RHPN2: variants seen among roughly 807,000 people sequenced by gnomAD.
The protein encoded by RHPN2 is rhophilin-2.
In RHPN2, 40 loss-of-function variants were observed where a neutral mutation model predicts 79.0. That is an observed-to-expected ratio of 0.51 (90% CI 0.39 to 0.66). RHPN2 has a LOEUF of 0.66. Among genes scored for constraint, RHPN2 ranks in the 30% least tolerant of loss-of-function variants. The probability of loss-of-function intolerance (pLI) is 0.00; values close to 1 mark genes in which losing one functional copy is unlikely to be tolerated. For synonymous variants in RHPN2, 285 were observed against 363.5 expected (o/e 0.78, Z 2.46); for missense variants, 686 against 883.5 (o/e 0.78, Z 2.83).
intron 11 of RHPN2, 27 bp downstream of exon 11, chr19:32,995,999 A>G (rs1459247855): frequency 6.2e-7 from 1 of 1,613,092 alleles, no homozygotes; most frequent in Non-Finnish European, 8.5e-7. Context: ...GCACCCCCAC[A>G]GAGGGAACAC....
At chr19:32,994,515 G>C (rs1971686041) in intron 11 of RHPN2, among the ~76,000 whole-genome samples, 1 of 152,162 alleles carries the variant, frequency 6.6e-6, no homozygotes, top group African/African-American at 2.4e-5. Flanking sequence ...CCCCGACCTA[G>C]GGTGAACTGT....
intron 2 of RHPN2, chr19:33,026,978 C>T (rs1161801664): frequency 5.8e-6 from 2 of 342,922 alleles, no homozygotes; most frequent in Admixed American, 3.8e-5. Context: ...TGATTCCAGC[C>T]GGGCATGGTG....
chr19:33,049,034 T>C (rs1972166976), intron 1 of RHPN2, among the ~76,000 whole-genome samples: 1 of 152,080 alleles, frequency 6.6e-6, no homozygotes, highest in Non-Finnish European at 1.5e-5. Context: ...AACCAGCCCA[T>C]AGATATGTGG....
intron 1 of RHPN2, among the ~76,000 whole-genome samples, chr19:33,060,331 T>C (rs373344672): frequency 2.9e-4 from 44 of 151,968 alleles, no homozygotes; most frequent in South Asian, 2.3e-3. Context: ...CATTTTGGAT[T>C]CTCATTGGCA....
At chr19:32,982,792 CA>C (rs1319036093) in intron 14 of RHPN2, among the ~76,000 whole-genome samples, 1 of 152,056 alleles carries the variant, frequency 6.6e-6, no homozygotes, top group Admixed American at 6.6e-5. Flanking sequence ...GGACACTCAC[CA>C]AGGCTTCCCT....
chr19:33,059,286 GT>G (rs1972259960), intron 1 of RHPN2, among the ~76,000 whole-genome samples: 1 of 145,490 alleles, frequency 6.9e-6, no homozygotes, highest in Non-Finnish European at 1.5e-5. Context: ...CTTCACTTTT[GT>G]TTTTTTCTTT....
chr19:33,053,212 C>T (rs926499733), intron 1 of RHPN2, among the ~76,000 whole-genome samples: 2 of 151,944 alleles, frequency 1.3e-5, no homozygotes, highest in African/African-American at 4.8e-5. Flanking sequence ...TGCTCTCAAA[C>T]TCCTGGCCTC....
intron 14 of RHPN2, among the ~76,000 whole-genome samples, chr19:32,984,092 G>C (rs1271828577): frequency 6.6e-6 from 1 of 152,176 alleles, no homozygotes; most frequent in East Asian, 1.9e-4. Flanking sequence ...GTATGAACGT[G>C]CTGAAGGTTA....
intron 2 of RHPN2, among the ~76,000 whole-genome samples, chr19:33,035,026 G>A (rs1972045738): frequency 6.6e-6 from 1 of 152,016 alleles, no homozygotes; most frequent in Non-Finnish European, 1.5e-5. Flanking sequence ...GGAGTGCAGT[G>A]GTACGATCTT....
chr19:33,050,434 T>C (rs1011279169), intron 1 of RHPN2, among the ~76,000 whole-genome samples: 6 of 152,210 alleles, frequency 3.9e-5, no homozygotes, highest in Admixed American at 3.9e-4. Context: ...TTTAAGTATA[T>C]AGTTCAATGA....
intron 4 of RHPN2, among the ~76,000 whole-genome samples, chr19:33,019,026 CA>C (rs1476192503): frequency 4.1e-5 from 4 of 97,140 alleles, no homozygotes; most frequent in Admixed American, 1.1e-4. Context: ...AGCGAAACTC[CA>C]GCTCAAAAAA....
chr19:33,029,461 G>A (rs1180361494), intron 2 of RHPN2, among the ~76,000 whole-genome samples: 4 of 150,006 alleles, frequency 2.7e-5, no homozygotes, highest in African/African-American at 4.9e-5. Flanking sequence ...AGGAGGCGGA[G>A]CTTGCAGTGA....
At chr19:32,993,062 G>A (rs1204918941) in intron 12 of RHPN2, among the ~76,000 whole-genome samples, 1 of 152,056 alleles carries the variant, frequency 6.6e-6, no homozygotes, top group African/African-American at 2.4e-5. Flanking sequence ...AGGCTGCAGT[G>A]AGCTATGATC....
intron 14 of RHPN2, among the ~76,000 whole-genome samples, chr19:32,988,364 C>T (rs2146000281): frequency 6.6e-6 from 1 of 152,260 alleles, no homozygotes; most frequent in East Asian, 1.9e-4. Context: ...CCACAAATCC[C>T]CCATCAGCTC....
chr19:33,036,014 A>C (rs941802154), intron 2 of RHPN2, among the ~76,000 whole-genome samples: 3 of 151,678 alleles, frequency 2.0e-5, no homozygotes, highest in African/African-American at 7.3e-5. Context: ...CTACTCGGCA[A>C]GCTGAGGCAG....
intron 6 of RHPN2, among the ~76,000 whole-genome samples, chr19:33,008,418 T>TA (rs879593724): frequency 0.031 from 4,450 of 143,114 alleles, 99 homozygotes; most frequent in Middle Eastern, 0.056. Flanking sequence ...CATACCTGCC[T>TA]TTTTTTTTTT....
chr19:32,995,858 CAAAAA>C (rs1267613580), intron 11 of RHPN2, among the ~76,000 whole-genome samples, 163 bp downstream of exon 11: 1 of 152,160 alleles, frequency 6.6e-6, no homozygotes, highest in African/African-American at 2.4e-5. Context: ...GACTCCATCT[CAAAAA>C]GAAAAGAGAA....
chr19:33,031,210 T>TTTCTATTCTATTCTA (rs150522688), intron 2 of RHPN2, among the ~76,000 whole-genome samples: 6,012 of 145,078 alleles, frequency 0.041, 181 homozygotes, highest in East Asian at 0.092. Flanking sequence ...TATTCTATTC[T>TTTCTATTCTATTCTA]TTCTATTCTA....
Position 33,011,646 on chromosome 19 carries a change from C to T in RHPN2, c.593+33G>A, listed in dbSNP as rs538099287. 31 of 1,613,832 alleles carry T rather than the reference C, an allele frequency of 1.9e-5. No individual in the cohort carries two copies. In the Admixed American group the frequency reaches 3.8e-4, roughly 20 times the overall value. ...CTCCAAAATTGTGGCTGCCATAACA[C>T]GTGAAGCGCCAGCGCAGACCTCAAG... On this transcript the variant is annotated intron_variant, in intron 6 of 14. Transcript: ENST00000254260.
Sources: allele counts gnomAD v4.1 joint callset (sites outside exome capture counted in the v4.1 genomes callset), GRCh38; gene constraint gnomAD v4.1.1; transcripts MANE v1.5; gene names NCBI Gene and HGNC (gene_info 2026-07-23, HGNC 2026-07-21).